Variants in JAZF1 observed in about 807,000 individuals in gnomAD.
The protein encoded by JAZF1 is JAZF zinc finger 1, also known as juxtaposed with another zinc finger protein 1.
Under a neutral mutation model 26.4 loss-of-function variants are expected in JAZF1, and 8 were observed. The observed-to-expected ratio is 0.30, with a 90% CI of 0.18 to 0.55. The LOEUF (loss-of-function observed/expected upper bound fraction) is 0.55, where lower values mean the gene tolerates loss of function less well. Ranked by LOEUF, JAZF1 falls within the 20% of genes least tolerant of loss-of-function variation. The pLI is 0.94. For missense variants in JAZF1, 199 were observed against 322.0 expected, an observed-to-expected ratio of 0.62 and a Z score of 2.92; for synonymous variants, 126 against 122.3, an observed-to-expected ratio of 1.03 and a Z score of -0.20.
intron 2 of JAZF1, among the ~76,000 whole-genome samples, chr7:27,923,539 T>G (rs751514649): frequency 2.0e-5 from 3 of 152,224 alleles, no homozygotes; most frequent in Non-Finnish European, 4.4e-5. Context: ...AGGCTGTGGC[T>G]GACTGGATGG....
At chr7:28,074,961 T>C (rs769139112) in intron 1 of JAZF1, among the ~76,000 whole-genome samples, 24 of 152,278 alleles carry the variant, frequency 1.6e-4, no homozygotes, top group Middle Eastern at 3.4e-3. Context: ...GTGTCCTCAT[T>C]TTCTTGAAAG....
chr7:27,895,104 T>C (rs1489233519), intron 3 of JAZF1, 116 bp downstream of exon 3: 1 of 503,860 alleles, frequency 2.0e-6, no homozygotes, highest in East Asian at 3.4e-5. Flanking sequence ...GGATCAACGA[T>C]GTGGTGGGTC....
At chr7:28,070,670 T>C (rs1272533487) in intron 1 of JAZF1, among the ~76,000 whole-genome samples, 2 of 152,208 alleles carry the variant, frequency 1.3e-5, no homozygotes, top group Non-Finnish European at 2.9e-5. Context: ...AGCCCTGCAA[T>C]GTTTCAAGGT....
chr7:27,857,461 A>G (rs1040291238), intron 3 of JAZF1, among the ~76,000 whole-genome samples: 2 of 152,216 alleles, frequency 1.3e-5, no homozygotes, highest in Non-Finnish European at 2.9e-5. Flanking sequence ...GGGCTCAAAC[A>G]GTGCAGCGGC....
At chr7:27,843,122 G>C (rs1782954468) in intron 3 of JAZF1, 1 of 152,248 alleles carries the variant, frequency 6.6e-6, no homozygotes, top group Non-Finnish European at 1.5e-5. Context: ...AGGTAGTGTA[G>C]GCCGACAGGT....
chr7:28,130,746 T>C lies in JAZF1; in HGVS notation c.115+49717A>G, dbSNP rs146214772. Among the ~76,000 whole-genome samples, 23 of 152,324 alleles carry C rather than the reference T, an allele frequency of 1.5e-4. No individual in the cohort carries two copies. The East Asian group carries it at 2.9e-3, about 19-fold the overall frequency. ...TACTCCAATGTGATCAGGAGTCTAA[T>C]TGGTATTTCTCTCTCTCTCGAAAGG... On this transcript the variant is annotated intron_variant, in intron 1 of 4. Transcript: ENST00000283928.
At chr7:27,847,766 C>T (rs10951184) in intron 3 of JAZF1, among the ~76,000 whole-genome samples, 32,911 of 152,060 alleles carry the variant, frequency 0.22, 4,614 homozygotes, top group East Asian at 0.51. Flanking sequence ...CTCGTAGGTT[C>T]GAGTGACTCT....
intron 3 of JAZF1, among the ~76,000 whole-genome samples, chr7:27,860,762 T>C (rs1388303515): frequency 1.3e-5 from 2 of 152,300 alleles, no homozygotes; most frequent in Admixed American, 1.3e-4. Context: ...CTGCACTGCA[T>C]ACTTGAATCC....
At chr7:27,923,225 T>C (rs1784560833) in intron 2 of JAZF1, among the ~76,000 whole-genome samples, 1 of 152,232 alleles carries the variant, frequency 6.6e-6, no homozygotes, top group African/African-American at 2.4e-5. Flanking sequence ...CTCAGTGGTA[T>C]AGACAAGACC....
chr7:27,890,045 G>A (rs1221510315), intron 3 of JAZF1, among the ~76,000 whole-genome samples: 1 of 152,150 alleles, frequency 6.6e-6, no homozygotes, highest in Non-Finnish European at 1.5e-5. Context: ...TGCTTGAAAT[G>A]GTCATTATTT....
At chr7:28,102,350 A>C (rs1784485691) in intron 1 of JAZF1, among the ~76,000 whole-genome samples, 1 of 152,244 alleles carries the variant, frequency 6.6e-6, no homozygotes, top group South Asian at 2.1e-4. Context: ...ATTGTGAATA[A>C]AATGCCTGGC....
At chr7:27,874,337 G>A (rs930990736) in intron 3 of JAZF1, among the ~76,000 whole-genome samples, 4 of 152,198 alleles carry the variant, frequency 2.6e-5, no homozygotes, top group African/African-American at 9.6e-5. Flanking sequence ...AAATAAGTCT[G>A]GACAGTTTTC....
chr7:28,073,414 C>A (rs1784006328), intron 1 of JAZF1, among the ~76,000 whole-genome samples: 1 of 152,156 alleles, frequency 6.6e-6, no homozygotes, highest in African/African-American at 2.4e-5. Context: ...GGCAAGGGCG[C>A]ACCCAAGGAC....
chr7:28,118,088 G>A (rs931418950), intron 1 of JAZF1: 30 of 152,154 alleles, frequency 2.0e-4, no homozygotes, highest in African/African-American at 6.5e-4. Flanking sequence ...GGTAAATGAC[G>A]TTTCTTTGAG....
At chr7:27,995,570 A>G (rs894974386) in intron 1 of JAZF1, among the ~76,000 whole-genome samples, 1 of 152,184 alleles carries the variant, frequency 6.6e-6, no homozygotes, top group African/African-American at 2.4e-5. Context: ...TGGAGGATAA[A>G]ATAATTCACA....
At chr7:27,905,532 C>A (rs1380951663) in intron 2 of JAZF1, among the ~76,000 whole-genome samples, 1 of 150,768 alleles carries the variant, frequency 6.6e-6, no homozygotes, top group African/African-American at 2.4e-5. Context: ...TCTTGACAAT[C>A]ATATTTTATT....
chr7:28,033,441 C>T (rs1344491414), intron 1 of JAZF1, among the ~76,000 whole-genome samples: 3 of 152,206 alleles, frequency 2.0e-5, no homozygotes, highest in African/African-American at 7.2e-5. Flanking sequence ...AGGGTACGCT[C>T]GAGCTGCACA....
At chr7:28,058,352 G>C (rs1487744927) in intron 1 of JAZF1, among the ~76,000 whole-genome samples, 2 of 152,202 alleles carry the variant, frequency 1.3e-5, no homozygotes, top group Non-Finnish European at 2.9e-5. Flanking sequence ...GCTAGATGCA[G>C]AGAGGACGAA....
At chr7:28,040,139 C>A (rs1002099559) in intron 1 of JAZF1, among the ~76,000 whole-genome samples, 1 of 152,104 alleles carries the variant, frequency 6.6e-6, no homozygotes. Context: ...AAAAACCTTA[C>A]GTTTATTAAA....
Sources: allele counts gnomAD v4.1 joint callset (sites outside exome capture counted in the v4.1 genomes callset), GRCh38; gene constraint gnomAD v4.1.1; transcripts MANE v1.5; gene names NCBI Gene and HGNC (gene_info 2026-07-23, HGNC 2026-07-21).